Variants in WWOX observed in about 807,000 individuals in gnomAD.
WWOX encodes the protein WW domain-containing oxidoreductase.
WWOX carries 69 observed loss-of-function variants against 46.2 expected under a neutral mutation model. The observed-to-expected ratio is 1.49, with a 90% CI of 1.23 to 1.82. The LOEUF (loss-of-function observed/expected upper bound fraction) is 1.82, where lower values mean the gene tolerates loss of function less well. Ranked by LOEUF, WWOX falls within the 40% of genes most tolerant of loss-of-function variation. The pLI, the probability that WWOX is intolerant of heterozygous loss-of-function variation, is 0.00. For synonymous variants in WWOX, 359 were observed against 202.6 expected, an observed-to-expected ratio of 1.77 and a Z score of -6.56; for missense variants, 919 against 542.6, an observed-to-expected ratio of 1.69 and a Z score of -6.89.
intron 8 of WWOX, among the ~76,000 whole-genome samples, chr16:78,798,383 C>G (rs1207739426): frequency 6.6e-6 from 1 of 152,058 alleles, no homozygotes. Flanking sequence ...ATAACACAAC[C>G]CAAGGATGTC....
chr16:78,710,192 G>A (rs146539878), intron 8 of WWOX, among the ~76,000 whole-genome samples: 53 of 151,882 alleles, frequency 3.5e-4, no homozygotes, highest in Non-Finnish European at 6.5e-4. Flanking sequence ...GGCTTTCCCC[G>A]TTCAAATCAC....
chr16:78,906,905 G>T (rs1159808146), intron 8 of WWOX, among the ~76,000 whole-genome samples: 2 of 152,200 alleles, frequency 1.3e-5, no homozygotes, highest in African/African-American at 4.8e-5. Flanking sequence ...GTGTGTGTCT[G>T]TGAATAAACA....
chr16:78,989,827 TG>T (rs1431586188), intron 8 of WWOX, among the ~76,000 whole-genome samples: 20 of 144,868 alleles, frequency 1.4e-4, no homozygotes, highest in South Asian at 2.2e-4. Context: ...TGAGCGTGTG[TG>T]TGTGTGTGTG....
intron 8 of WWOX, among the ~76,000 whole-genome samples, chr16:78,882,896 C>CAAAAA (rs1198790932): frequency 6.6e-6 from 1 of 151,694 alleles, no homozygotes; most frequent in Non-Finnish European, 1.5e-5. Context: ...TCGAGTGACA[C>CAAAAA]AAACTGGAAC....
chr16:78,246,567 G>T (rs560277835), intron 5 of WWOX, among the ~76,000 whole-genome samples: 1 of 152,294 alleles, frequency 6.6e-6, no homozygotes, highest in African/African-American at 2.4e-5. Flanking sequence ...TGTATAGCTG[G>T]TTTTTATGTC....
At chr16:78,167,684 A>T (rs1482865330) in intron 5 of WWOX, 1 of 152,158 alleles carries the variant, frequency 6.6e-6, no homozygotes, top group East Asian at 1.9e-4. Context: ...TGATTATGGA[A>T]ACTCAAATTT....
chr16:79,105,734 C>T (rs148553481), intron 8 of WWOX, among the ~76,000 whole-genome samples: 1 of 151,584 alleles, frequency 6.6e-6, no homozygotes, highest in African/African-American at 2.4e-5. Context: ...GCAATCTTGG[C>T]TCACTGCAAC....
At chr16:78,691,101 G>C (rs1028367930) in intron 8 of WWOX, 1 of 617,286 alleles carries the variant, frequency 1.6e-6, no homozygotes, top group Non-Finnish European at 2.9e-6. Context: ...AAGTAAGAGT[G>C]CTTTGAATAC....
intron 5 of WWOX, among the ~76,000 whole-genome samples, chr16:78,380,699 T>C (rs2081936472): frequency 6.6e-6 from 1 of 152,172 alleles, no homozygotes; most frequent in South Asian, 2.1e-4. Context: ...CTGCTTTAGA[T>C]ACATTGCCTG....
At chr16:78,973,322 A>G (rs910698243) in intron 8 of WWOX, among the ~76,000 whole-genome samples, 5 of 152,168 alleles carry the variant, frequency 3.3e-5, no homozygotes, top group Non-Finnish European at 7.3e-5. Context: ...TCCCTAGTGG[A>G]GACAGCCGGG....
At chr16:79,090,697 C>T (rs2048942142) in intron 8 of WWOX, among the ~76,000 whole-genome samples, 1 of 152,172 alleles carries the variant, frequency 6.6e-6, no homozygotes, top group African/African-American at 2.4e-5. Flanking sequence ...GTATCAAGGT[C>T]CCGAGTGAGG....
At chr16:79,111,990 C>A (rs1016577954) in intron 8 of WWOX, among the ~76,000 whole-genome samples, 1 of 152,026 alleles carries the variant, frequency 6.6e-6, no homozygotes, top group Admixed American at 6.6e-5. Context: ...AGCACCATCC[C>A]CAAACTCCAT....
intron 8 of WWOX, among the ~76,000 whole-genome samples, chr16:78,811,448 C>G (rs1027465428): frequency 5.3e-5 from 8 of 151,980 alleles, no homozygotes; most frequent in Non-Finnish European, 1.2e-4. Context: ...TTCTTCCTTT[C>G]CTTTCCCTTT....
intron 5 of WWOX, among the ~76,000 whole-genome samples, chr16:78,353,119 T>C (rs1215294726): frequency 2.0e-5 from 3 of 152,198 alleles, no homozygotes; most frequent in African/African-American, 7.2e-5. Flanking sequence ...ATCTTTCTAT[T>C]TGTGGTCCAG....
intron 8 of WWOX, among the ~76,000 whole-genome samples, chr16:78,851,865 T>G (rs1398494289): frequency 6.6e-6 from 1 of 152,172 alleles, no homozygotes; most frequent in Non-Finnish European, 1.5e-5. Flanking sequence ...GACTGGAGTT[T>G]TTATATATCC....
chr16:78,114,956 C>T lies in WWOX; in HGVS notation c.231-20C>T. 1 of 1,614,116 alleles carries T rather than the reference C, an allele frequency of 6.2e-7. No individual in the cohort carries two copies. Among genetic ancestry groups the T allele is most frequent in the Non-Finnish European group, 8.5e-7 (1 of 1,179,974 alleles). On this transcript the variant is annotated intron_variant, in intron 3 of 8. Transcript: ENST00000566780. ...GCCTGTGTTCATTGCTGTGGGTTCA[C>T]TGCTTTCTCTTTTGGGCAGCCATAT... is the stretch of plus-strand genomic sequence containing the variant.
chr16:79,179,719 T>C (rs914334900), intron 8 of WWOX, among the ~76,000 whole-genome samples: 1 of 152,206 alleles, frequency 6.6e-6, no homozygotes. Context: ...ATGGCCAGGC[T>C]CAGTGAATCC....
intron 8 of WWOX, among the ~76,000 whole-genome samples, chr16:78,468,026 A>G (rs984521210): frequency 3.9e-5 from 6 of 152,120 alleles, no homozygotes; most frequent in African/African-American, 1.4e-4. Context: ...TTACTGTTTA[A>G]GAAAGCTCAA....
At chr16:78,859,744 T>C (rs2052672797) in intron 8 of WWOX, among the ~76,000 whole-genome samples, 1 of 152,172 alleles carries the variant, frequency 6.6e-6, no homozygotes, top group Admixed American at 6.5e-5. Context: ...AACAGAACAC[T>C]AATAGCTATT....
Sources: gnomAD v4.1 joint callset for allele counts (sites outside exome capture counted in the v4.1 genomes callset) on GRCh38, gnomAD v4.1.1 for gene constraint, MANE v1.5 for transcripts, NCBI Gene and HGNC (gene_info 2026-07-23, HGNC 2026-07-21) for gene names.